The following CHST11 variants were observed in gnomAD, a reference collection of about 807,000 sequenced individuals.
The protein encoded by CHST11 is C4S-1.
CHST11 carries 9 observed loss-of-function variants against 30.4 expected under a neutral mutation model. The ratio of observed to expected loss-of-function variants is 0.30; its 90% confidence interval spans 0.18 to 0.52. The LOEUF is 0.52. Among genes scored for constraint, CHST11 ranks in the 20% least tolerant of loss-of-function variants. CHST11 has a pLI of 0.97. For missense variants in CHST11, 348 were observed against 460.6 expected, an observed-to-expected ratio of 0.76 and a Z score of 2.24; for synonymous variants, 152 against 187.8, an observed-to-expected ratio of 0.81 and a Z score of 1.56.
intron 2 of CHST11, among the ~76,000 whole-genome samples, chr12:104,740,727 G>A (rs2040339452): frequency 1.3e-5 from 2 of 152,352 alleles, no homozygotes; most frequent in South Asian, 2.1e-4. Context: ...AATTGAGGGT[G>A]TCTTATTCAC....
chr12:104,530,251 A>G (rs7970787), intron 1 of CHST11, among the ~76,000 whole-genome samples: 11,442 of 152,246 alleles, frequency 0.075, 518 homozygotes, highest in South Asian at 0.16. Context: ...AATGTTAGTT[A>G]TCACTACCAC....
chr12:104,519,916 A>C (rs1451622034), intron 1 of CHST11, among the ~76,000 whole-genome samples: 1 of 152,176 alleles, frequency 6.6e-6, no homozygotes, highest in Non-Finnish European at 1.5e-5. Context: ...CTGCAGGTGC[A>C]GGGTTGGTTC....
At position 104,758,575 on chromosome 12, in the gene CHST11, T is replaced by C. The variant is rs2040498763; in HGVS notation, c.*772T>C. Reference sequence around the variant, plus strand: ...AAATATTTATTGAGCATCTACTATATACTAGGCCCTGAAGATAGAGCGTTG... The same window carrying C: ...AAATATTTATTGAGCATCTACTATACACTAGGCCCTGAAGATAGAGCGTTG... On this transcript the variant is annotated 3_prime_UTR_variant, in exon 3 of 3. Coordinates refer to ENST00000303694, the MANE Select transcript of CHST11 (RefSeq NM_018413.6). The C allele has an allele frequency of 6.6e-6, 1 of 152,176 alleles. No homozygotes were observed. Among genetic ancestry groups the C allele is most frequent in the Non-Finnish European group, 1.5e-5 (1 of 68,030 alleles). The allele number at this position is 152,176 out of a possible 1,614,324, so 9.4% of individuals were successfully genotyped here.
At chr12:104,752,676 C>T (rs564945417) in intron 2 of CHST11, among the ~76,000 whole-genome samples, 3 of 152,150 alleles carry the variant, frequency 2.0e-5, no homozygotes, top group Non-Finnish European at 4.4e-5. Context: ...CACAGGCACC[C>T]GCCACCACGC....
At chr12:104,514,880 CA>C (rs775509713) in intron 1 of CHST11, among the ~76,000 whole-genome samples, 1 of 152,282 alleles carries the variant, frequency 6.6e-6, no homozygotes, top group East Asian at 1.9e-4. Context: ...TGAACTATAT[CA>C]ATGAGTCACT....
intron 2 of CHST11, among the ~76,000 whole-genome samples, chr12:104,657,187 G>A (rs1010185387): frequency 3.9e-5 from 6 of 152,192 alleles, no homozygotes; most frequent in African/African-American, 1.4e-4. Flanking sequence ...ATATTTCCTG[G>A]TTTAGCAAGC....
intron 1 of CHST11, among the ~76,000 whole-genome samples, chr12:104,481,660 G>T (rs3902812): frequency 0.63 from 94,889 of 151,724 alleles, 30,325 homozygotes; most frequent in African/African-American, 0.74. Context: ...TTTTGGAGAG[G>T]GCTTTGGGGT....
intron 2 of CHST11, among the ~76,000 whole-genome samples, chr12:104,712,336 A>C (rs2040094656): frequency 6.6e-6 from 1 of 152,148 alleles, no homozygotes; most frequent in African/African-American, 2.4e-5. Context: ...ATCTTCTGTA[A>C]TGAGGTAACA....
chr12:104,571,787 G>A (rs1592769154), intron 1 of CHST11, among the ~76,000 whole-genome samples: 3 of 152,188 alleles, frequency 2.0e-5, no homozygotes, highest in East Asian at 3.9e-4. Context: ...TCCCTGTCTT[G>A]TGCCGGTTTT....
chr12:104,745,599 C>A (rs995877351), intron 2 of CHST11, among the ~76,000 whole-genome samples: 4 of 152,178 alleles, frequency 2.6e-5, no homozygotes, highest in Admixed American at 6.5e-5. Flanking sequence ...TTGTTTGTGT[C>A]ATCTCTGATT....
Position 104,558,788 on chromosome 12 carries a change from G to A in CHST11, c.119-43118G>A, listed in dbSNP as rs191787735. Among the ~76,000 whole-genome samples the A allele has an allele frequency of 4.7e-4, 72 of 152,032 alleles. 1 individual carries two copies. The highest frequency in any genetic ancestry group is 1.7e-3 in the African/African-American group (70 of 41,428). On this transcript the variant is annotated intron_variant, in intron 1 of 2. Transcript: ENST00000303694. ...TCCTGACCTCAAGTGATCTGCCCACGTTGGCCTCCCAAGGTGCTGGGATTA... is the reference window on the plus strand; with the variant it reads ...TCCTGACCTCAAGTGATCTGCCCACATTGGCCTCCCAAGGTGCTGGGATTA...
chr12:104,598,047 A>G (rs548522129), intron 1 of CHST11, among the ~76,000 whole-genome samples: 1 of 152,346 alleles, frequency 6.6e-6, no homozygotes, highest in East Asian at 1.9e-4. Flanking sequence ...TGTGGGGATT[A>G]AATATGTGAA....
At chr12:104,742,718 G>A (rs1000515122) in intron 2 of CHST11, among the ~76,000 whole-genome samples, 2 of 152,198 alleles carry the variant, frequency 1.3e-5, no homozygotes, top group Non-Finnish European at 2.9e-5. Context: ...CTGAAAGGGA[G>A]CCCCGGGGGT....
intron 2 of CHST11, among the ~76,000 whole-genome samples, chr12:104,728,399 G>A (rs968383886): frequency 3.9e-5 from 6 of 151,926 alleles, no homozygotes; most frequent in African/African-American, 1.5e-4. Flanking sequence ...TGTGTTCTAT[G>A]GAGAAACATC....
chr12:104,541,130 TCACACA>T (rs71069763), intron 1 of CHST11, among the ~76,000 whole-genome samples: 2 of 146,676 alleles, frequency 1.4e-5, no homozygotes, highest in South Asian at 2.2e-4. Flanking sequence ...TCTCTCTCTC[TCACACA>T]CACACACACA....
chr12:104,537,713 G>A (rs1435957681), intron 1 of CHST11, among the ~76,000 whole-genome samples: 1 of 41,514 alleles, frequency 2.4e-5, no homozygotes, highest in African/African-American at 1.0e-4. Flanking sequence ...TTTTTTTTTT[G>A]GAGACAGGGT....
chr12:104,532,837 G>C (rs58311253), intron 1 of CHST11, among the ~76,000 whole-genome samples: 1 of 151,526 alleles, frequency 6.6e-6, no homozygotes, highest in East Asian at 1.9e-4. Flanking sequence ...CCAGACAGTG[G>C]CCCCCACACC....
Position 104,723,428 on chromosome 12 carries a change from G to A in CHST11, c.205-33521G>A, listed in dbSNP as rs569447797. ...GCCTGCACCACCCCTAACCCTGAAG[G>A]CTTGTTCAATCTGTGGCCTGCAGTG... On this transcript the variant is annotated intron_variant, in intron 2 of 2. Transcript: ENST00000303694. 6.1e-4 allele frequency among the ~76,000 whole-genome samples: 93 copies of A among 152,330 alleles called. No homozygotes were observed. In the South Asian group the frequency reaches 0.012, roughly 20 times the overall value.
At position 104,734,202 on chromosome 12, in the gene CHST11, C is replaced by T. The variant is rs76559187; in HGVS notation, c.205-22747C>T. On this transcript the variant is annotated intron_variant, in intron 2 of 2. Transcript: ENST00000303694. ...GCCCATGCTTCTCTGCAGAAGTGGA[C>T]GTGCTTTTCTGTTTATTTTTCTTAT... Among the ~76,000 whole-genome samples the T allele has an allele frequency of 4.9e-3, 752 of 152,322 alleles. 12 individuals are homozygous for T. The highest frequency in any genetic ancestry group is 0.017 in the African/African-American group (705 of 41,576).
Sources: allele counts gnomAD v4.1 joint callset (sites outside exome capture counted in the v4.1 genomes callset), GRCh38; gene constraint gnomAD v4.1.1; transcripts MANE v1.5; gene names NCBI Gene and HGNC (gene_info 2026-07-23, HGNC 2026-07-21).